The following L3MBTL1 variants were observed in gnomAD, a reference collection of about 807,000 sequenced individuals.
L3MBTL1 encodes the protein lethal(3)malignant brain tumor-like protein 1.
L3MBTL1 carries 75 observed loss-of-function variants against 105.3 expected under a neutral mutation model. The observed-to-expected ratio is 0.71, with a 90% CI of 0.59 to 0.86. L3MBTL1 has a LOEUF of 0.86. L3MBTL1 is among the 40% of genes least tolerant of loss of function. The pLI is 0.00. For synonymous variants in L3MBTL1, 452 were observed against 436.2 expected (o/e 1.04, Z -0.45); for missense variants, 1,069 against 1,126.4 (o/e 0.95, Z 0.73).
rs759637086 is a variant in L3MBTL1, at chr20:43,515,159, G to T, written c.653G>T (p.Arg218Leu). The change falls in exon 5 of 22, where the codon CGG becomes CTG. Residue 218 changes from arginine to leucine, a missense_variant and splice_region_variant. Physicochemically the swap from Arg to Leu is moderately radical, Grantham distance 102 (BLOSUM62 -2). Transcript: ENST00000418998. ...GGCTGCCCTCAGCTGTTCCAGGAGCGGTAAGGGGAGGAGGTCGCAGCCCTA... is the reference window on the plus strand; with the variant it reads ...GGCTGCCCTCAGCTGTTCCAGGAGCTGTAAGGGGAGGAGGTCGCAGCCCTA... Reference protein sequence around the residue: ...NDGCPQLFQERSVIVENSSGS... With the variant: ...NDGCPQLFQELSVIVENSSGS... 1.2e-6 allele frequency: 2 copies of T among 1,614,106 alleles called. No homozygotes were observed. The highest frequency in any genetic ancestry group is 1.7e-6 in the Non-Finnish European group (2 of 1,179,990).
chr20:43,541,706 C>T lies in L3MBTL1; in HGVS notation c.*578C>T. On this transcript the variant is annotated 3_prime_UTR_variant, in exon 22 of 22. Transcript: ENST00000418998. The stretch of plus-strand genomic sequence containing the variant: ...ATGTATCAGGTTTCTGTATATGTTC[C>T]ACTATAATCTTATGGGACCATGGTT... 1 of 593,524 alleles carries T rather than the reference C, an allele frequency of 1.7e-6. No homozygotes were observed. Among genetic ancestry groups the T allele is most frequent in the Non-Finnish European group, 2.1e-6 (1 of 470,686 alleles). 36.8% of individuals were successfully genotyped at this position (593,524 alleles called of 1,614,324 possible).
chr20:43,522,280 G>A (rs1281726880), intron 7 of L3MBTL1, among the ~76,000 whole-genome samples: 4 of 151,870 alleles, frequency 2.6e-5, no homozygotes, highest in African/African-American at 9.7e-5. Flanking sequence ...ACTTAAACCC[G>A]TGAACCGGAG....
intron 1 of L3MBTL1, among the ~76,000 whole-genome samples, chr20:43,511,882 C>T (rs1225990986): frequency 2.0e-5 from 3 of 151,246 alleles, no homozygotes; most frequent in Non-Finnish European, 4.4e-5. Flanking sequence ...AAGCAGAGAG[C>T]TTGGGGAAGA....
At chr20:43,515,676 A>G in intron 6 of L3MBTL1, 1 of 494,328 alleles carries the variant, frequency 2.0e-6, no homozygotes, top group Non-Finnish European at 3.6e-6. Flanking sequence ...ACTAGCACCC[A>G]AAGTACATGT....
Position 43,540,832 on chromosome 20 carries a change from G to T in L3MBTL1, c.2394+17G>T. On this transcript the variant is annotated intron_variant, in intron 21 of 21. Transcript: ENST00000418998. ...AAAGACGAGGTAAGGTGCAAGTGCAGAGTGGGAGACAGAGCCGGGGTCACT... is the reference window on the plus strand; with the variant it reads ...AAAGACGAGGTAAGGTGCAAGTGCATAGTGGGAGACAGAGCCGGGGTCACT... 1 of 1,614,116 alleles carries T rather than the reference G, an allele frequency of 6.2e-7. No homozygotes were observed. The highest frequency in any genetic ancestry group is 8.5e-7 in the Non-Finnish European group (1 of 1,179,976).
At chr20:43,538,134 G>C (rs1404776806) in intron 19 of L3MBTL1, among the ~76,000 whole-genome samples, 1 of 152,182 alleles carries the variant, frequency 6.6e-6, no homozygotes, top group Non-Finnish European at 1.5e-5. Context: ...CCTCAGACCT[G>C]AGTGATGAGG....
intron 5 of L3MBTL1, 55 bp from the exon 6 acceptor site, chr20:43,515,236 AG>A: frequency 6.2e-7 from 1 of 1,612,866 alleles, no homozygotes; most frequent in Non-Finnish European, 8.5e-7. Context: ...GGGTTAGGAG[AG>A]GGGCTGGGTG....
exon 19 of L3MBTL1, chr20:43,548,150 G>T (rs1203882763): frequency 1.5e-6 from 2 of 1,304,150 alleles, no homozygotes; most frequent in Admixed American, 4.6e-5. Flanking sequence ...GACACAGGCG[G>T]ACATTGTGAA....
At chr20:43,534,795 A>G (rs1235068248) in intron 15 of L3MBTL1, 33 bp from the exon 16 acceptor site, 1 of 1,523,728 alleles carries the variant, frequency 6.6e-7, no homozygotes, top group Admixed American at 1.8e-5. Flanking sequence ...CTCCATGAGA[A>G]ACGCCTGACT....
At chr20:43,544,429 C>T (rs1978442692), downstream of L3MBTL1, among the ~76,000 whole-genome samples, 1 of 152,140 alleles carries the variant, frequency 6.6e-6, no homozygotes, top group African/African-American at 2.4e-5. Flanking sequence ...CCTTCAAGGT[C>T]AGAACATGAC....
chr20:43,541,805 A>G lies in L3MBTL1; in HGVS notation c.*677A>G, dbSNP rs1012924056. 9 of 982,354 alleles carry G rather than the reference A, an allele frequency of 9.2e-6. No homozygotes were observed. Among genetic ancestry groups the G allele is most frequent in the African/African-American group, 1.7e-5 (1 of 57,188 alleles). The allele number at this position is 982,354 out of a possible 1,614,324, so 60.9% of individuals were successfully genotyped here. A position where few individuals can be genotyped will look rare whatever the true frequency, so the allele number is the denominator to read the frequency against. On this transcript the variant is annotated 3_prime_UTR_variant, in exon 22 of 22. Coordinates refer to ENST00000418998, the MANE Select transcript of L3MBTL1 (RefSeq NM_001377303.1). ...TGTATCACTAGTATATAATAGAGCA[A>G]TATTATGGAGGAATATGTAGATCCA...
chr20:43,534,570 T>C lies in L3MBTL1; in HGVS notation c.1710+176T>C, dbSNP rs1309477909. 3 of 627,770 alleles carry C rather than the reference T, an allele frequency of 4.8e-6. No individual in the cohort carries two copies. In the Admixed American group the frequency reaches 8.5e-5, roughly 18 times the overall value. 38.9% of individuals were successfully genotyped at this position (627,770 alleles called of 1,614,324 possible). A position where few individuals can be genotyped will look rare whatever the true frequency, so the allele number is the denominator to read the frequency against. On this transcript the variant is annotated intron_variant, in intron 15 of 21. Transcript: ENST00000418998. ...GGGCTTGGACAAGTCATTTTCCCTC[T>C]CTAAGCCTTACATCATCTGTAAAAT...
rs2018212845 is a variant in L3MBTL1, at chr20:43,513,935, C to T, written c.234C>T (p.Gly78=). 14 of 1,550,144 alleles carry T rather than the reference C, an allele frequency of 9.0e-6. No individual in the cohort carries two copies. Among genetic ancestry groups the T allele is most frequent in the Non-Finnish European group, 1.2e-5 (14 of 1,147,006 alleles). The change falls in exon 3 of 22, where the codon GGC becomes GGT. Residue 78 remains glycine (G), a synonymous_variant. Coordinates refer to ENST00000418998, the MANE Select transcript of L3MBTL1 (RefSeq NM_001377303.1). ...TGGGTGCCCCGGAGCAAGTGGCCGG[C>T]TGCGAACCAGTTTCTGCCACCGTCC... ...IHVGAPEQVA[G]CEPVSATVLP...
In L3MBTL1 at chr20:43,540,781, G is replaced by C; in HGVS notation, c.2360G>C (p.Gly787Ala). ...TTCGGCTTTGTTCAGACCCTGACAGGTTGTGAGGACCAAGCACGCCTCTTC... is the reference window on the plus strand; with the variant it reads ...TTCGGCTTTGTTCAGACCCTGACAGCTTGTGAGGACCAAGCACGCCTCTTC... ...EVFGFVQTLT[G>A]CEDQARLFKD... The change falls in exon 21 of 22, where the codon GGT (glycine) becomes GCT (alanine). Residue 787 changes from glycine (G) to alanine (A), a missense_variant. Transcript: ENST00000418998. 6.2e-7 allele frequency: 1 copy of C among 1,614,214 alleles called. No homozygotes were observed. The highest frequency in any genetic ancestry group is 8.5e-7 in the Non-Finnish European group (1 of 1,180,042).
intron 9 of L3MBTL1, 61 bp from the exon 10 acceptor site, chr20:43,530,223 G>A: frequency 1.2e-6 from 2 of 1,607,850 alleles, no homozygotes; most frequent in Non-Finnish European, 1.7e-6. Context: ...GGAGAGGTGA[G>A]GCAGATGGGG....
At chr20:43,530,566 C>T (rs2285186) in intron 10 of L3MBTL1, 147 bp downstream of exon 10, 103,521 of 971,814 alleles carry the variant, frequency 0.11, 6,765 homozygotes, top group Admixed American at 0.2. Flanking sequence ...ATCCTGATGA[C>T]TCTGCGCTGG....
Position 43,540,235 on chromosome 20 carries a change from A to G in L3MBTL1, c.2258A>G (p.Glu753Gly), listed in dbSNP as rs1171654178. 1.2e-6 allele frequency: 2 copies of G among 1,613,708 alleles called. No homozygotes were observed. Among genetic ancestry groups the G allele is most frequent in the East Asian group, 2.2e-5 (1 of 44,872 alleles). Reference sequence around the variant, plus strand: ...GACCGCTCACTCTCAGTGTGCTGGGAGCAGCACTGCAAGCTCCTGCCAGGA... The same window carrying G: ...GACCGCTCACTCTCAGTGTGCTGGGGGCAGCACTGCAAGCTCCTGCCAGGA... ...HPDRSLSVCW[E>G]QHCKLLPGVA... The change falls in exon 20 of 22, where the codon GAG becomes GGG. Residue 753 changes from glutamate (E) to glycine (G), a missense_variant. Transcript: ENST00000418998.
intron 15 of L3MBTL1, 157 bp downstream of exon 15, chr20:43,534,551 G>A: frequency 1.5e-6 from 1 of 655,794 alleles, no homozygotes; most frequent in South Asian, 1.9e-5. Flanking sequence ...TTGTGGGCTT[G>A]GACAAGTCAT....
In L3MBTL1 at chr20:43,549,418, T is replaced by C. The variant is rs562136383; in HGVS notation, c.*1173T>C. ...GGAGTTAGGAAGGTGAACTTTTCTA[T>C]CTGAATTCTCCGGGTCCCTGAAGCC... On this transcript the variant is annotated 3_prime_UTR_variant, in exon 19 of 19. Coordinates refer to the L3MBTL1 transcript ENST00000422861. 10 of 152,402 alleles carry C rather than the reference T, an allele frequency of 6.6e-5. No homozygotes were observed. The East Asian group carries it at 1.7e-3, about 26-fold the overall frequency. 9.4% of individuals were successfully genotyped at this position (152,402 alleles called of 1,614,324 possible). A position where few individuals can be genotyped will look rare whatever the true frequency, so the allele number is the denominator to read the frequency against.
Sources: allele counts gnomAD v4.1 joint callset (sites outside exome capture counted in the v4.1 genomes callset), GRCh38; gene constraint gnomAD v4.1.1; transcripts MANE v1.5; gene names NCBI Gene and HGNC (gene_info 2026-07-23, HGNC 2026-07-21).